The following PLLP variants were observed in gnomAD, a reference collection of about 807,000 sequenced individuals.
PLLP encodes the protein plasma membrane proteolipid (plasmolipin).
PLLP carries 15 observed loss-of-function variants against 19.7 expected under a neutral mutation model. The ratio of observed to expected loss-of-function variants is 0.76; its 90% confidence interval spans 0.51 to 1.17. PLLP has a LOEUF of 1.17. PLLP is among the 50% of genes most tolerant of loss of function. PLLP has a pLI of 0.00. For missense variants in PLLP, 255 were observed against 258.3 expected (o/e 0.99, Z 0.09); for synonymous variants, 111 against 116.3 (o/e 0.95, Z 0.29).
chr16:57,272,778 T>A (rs1284779846), intron 1 of PLLP, among the ~76,000 whole-genome samples: 1 of 151,512 alleles, frequency 6.6e-6, no homozygotes, highest in Non-Finnish European at 1.5e-5. Flanking sequence ...ATAAGCAAGA[T>A]CCCCATCTCT....
At chr16:57,266,648 C>T (rs1313939882) in intron 1 of PLLP, among the ~76,000 whole-genome samples, 3 of 152,108 alleles carry the variant, frequency 2.0e-5, no homozygotes, top group East Asian at 1.9e-4. Context: ...TGCCTTCACC[C>T]CTGGGCCCTG....
intron 1 of PLLP, among the ~76,000 whole-genome samples, chr16:57,276,647 C>A (rs1901158326): frequency 6.6e-6 from 1 of 151,258 alleles, no homozygotes; most frequent in African/African-American, 2.4e-5. Flanking sequence ...ATTGACCTAT[C>A]ATTTTGGTCT....
Position 57,261,888 on chromosome 16 carries a change from C to T in PLLP, c.309+9G>A, listed in dbSNP as rs1289171178. 1 of 1,613,490 alleles carries T rather than the reference C, an allele frequency of 6.2e-7. No individual in the cohort carries two copies. ...CATAGCCACTTCCAGTACCCCCACC[C>T]AGACTCACCACCAGTGGCCAGGGAA... On this transcript the variant is annotated intron_variant, in intron 2 of 3. Transcript: ENST00000219207.
chr16:57,269,544 G>A (rs1183939834), intron 1 of PLLP, among the ~76,000 whole-genome samples: 2 of 152,148 alleles, frequency 1.3e-5, no homozygotes, highest in African/African-American at 4.8e-5. Context: ...TCCGGGGCTG[G>A]GGGAGGGAAA....
intron 1 of PLLP, among the ~76,000 whole-genome samples, chr16:57,269,506 G>C (rs373634440): frequency 2.0e-5 from 3 of 152,188 alleles, no homozygotes; most frequent in East Asian, 1.9e-4. Context: ...CATAGCAGTC[G>C]TGAGCAGTCG....
intron 1 of PLLP, among the ~76,000 whole-genome samples, chr16:57,277,925 T>C (rs918952519): frequency 4.6e-5 from 7 of 152,218 alleles, no homozygotes; most frequent in Non-Finnish European, 1.0e-4. Context: ...TATGTCTCTG[T>C]AATTTTTTTT....
intron 1 of PLLP, among the ~76,000 whole-genome samples, chr16:57,279,284 GCCTGTGTTC>G (rs1239367392): frequency 1.3e-5 from 2 of 152,080 alleles, no homozygotes; most frequent in Admixed American, 1.3e-4. Context: ...CAGCGTCCAG[GCCTGTGTTC>G]CCATCAGCAC....
At chr16:57,277,013 A>G (rs1301140053) in intron 1 of PLLP, among the ~76,000 whole-genome samples, 1 of 152,216 alleles carries the variant, frequency 6.6e-6, no homozygotes, top group Non-Finnish European at 1.5e-5. Flanking sequence ...CACTCCACAC[A>G]CTGAGACAAA....
intron 1 of PLLP, among the ~76,000 whole-genome samples, chr16:57,267,524 C>A (rs1417087876): frequency 6.6e-6 from 1 of 151,970 alleles, no homozygotes; most frequent in Non-Finnish European, 1.5e-5. Context: ...ACTGAGATTG[C>A]ACCACTGCAC....
Position 57,281,517 on chromosome 16 carries a change from C to T in PLLP, c.135+2889G>A, listed in dbSNP as rs28537778. ...CAACAAGCAGATTTTTTTTTTATTTCTTTTTTTTTTTGAGACGGAGTCTCT... is the reference window on the plus strand; with the variant it reads ...CAACAAGCAGATTTTTTTTTTATTTTTTTTTTTTTTTGAGACGGAGTCTCT... On this transcript the variant is annotated intron_variant, in intron 1 of 3. Coordinates refer to ENST00000219207, the MANE Select transcript of PLLP (RefSeq NM_015993.3). 3.5e-4 allele frequency among the ~76,000 whole-genome samples: 45 copies of T among 130,126 alleles called. 1 individual carries two copies. Among genetic ancestry groups the T allele is most frequent in the Admixed American group, 1.8e-3 (24 of 13,072 alleles). The allele number at this position is 130,126 out of a possible 152,430, so 85.4% of individuals were successfully genotyped here. A position where few individuals can be genotyped will look rare whatever the true frequency, so the allele number is the denominator to read the frequency against.
At chr16:57,275,126 CACAT>C (rs796618303) in intron 1 of PLLP, among the ~76,000 whole-genome samples, 637 of 49,282 alleles carry the variant, frequency 0.013, 4 homozygotes, top group South Asian at 0.045. Flanking sequence ...CACACACACA[CACAT>C]GCATTTCAGA....
At position 57,256,168 on chromosome 16, in the gene PLLP, G is replaced by A. The variant is rs1427979904; in HGVS notation, c.*745C>T. 1 of 396,290 alleles carries A rather than the reference G, an allele frequency of 2.5e-6. No individual in the cohort carries two copies. The highest frequency in any genetic ancestry group is 3.6e-5 in the East Asian group (1 of 27,994). 24.5% of individuals were successfully genotyped at this position (396,290 alleles called of 1,614,324 possible). On this transcript the variant is annotated 3_prime_UTR_variant, in exon 4 of 4. Transcript: ENST00000219207. Reference sequence around the variant, plus strand: ...CACCAACCACATGACAACTCGCCAGGCAAGGCCTTGCTTCCCTCCCTCCTT... The same window carrying A: ...CACCAACCACATGACAACTCGCCAGACAAGGCCTTGCTTCCCTCCCTCCTT...
At chr16:57,267,104 T>G (rs2075460063) in intron 1 of PLLP, among the ~76,000 whole-genome samples, 1 of 152,150 alleles carries the variant, frequency 6.6e-6, no homozygotes, top group Admixed American at 6.6e-5. Context: ...TATTACAGTT[T>G]CCCCAGAAGC....
At chr16:57,267,912 A>T (rs1451581849) in intron 1 of PLLP, among the ~76,000 whole-genome samples, 1 of 151,734 alleles carries the variant, frequency 6.6e-6, no homozygotes, top group African/African-American at 2.4e-5. Flanking sequence ...AAGAAAAGAA[A>T]AGAAAATAGT....
intron 1 of PLLP, among the ~76,000 whole-genome samples, chr16:57,274,400 A>G (rs1195151481): frequency 6.6e-6 from 1 of 152,214 alleles, no homozygotes; most frequent in African/African-American, 2.4e-5. Context: ...CATATTCAGC[A>G]TCCTGTCTTC....
At chr16:57,273,193 G>A (rs1354748450) in intron 1 of PLLP, among the ~76,000 whole-genome samples, 2 of 151,284 alleles carry the variant, frequency 1.3e-5, no homozygotes, top group Admixed American at 1.3e-4. Context: ...TCGGGAGGCG[G>A]AGCTTGCAGT....
intron 1 of PLLP, among the ~76,000 whole-genome samples, chr16:57,275,673 G>T (rs1901144741): frequency 8.1e-6 from 1 of 124,170 alleles, no homozygotes; most frequent in Non-Finnish European, 1.8e-5. Flanking sequence ...ACCATGAGAG[G>T]GGGAAAAAAA....
At chr16:57,269,643 T>A (rs1414304170) in intron 1 of PLLP, among the ~76,000 whole-genome samples, 2 of 152,042 alleles carry the variant, frequency 1.3e-5, no homozygotes, top group Admixed American at 6.5e-5. Flanking sequence ...GGCTGGCAGG[T>A]CACAGGAATG....
chr16:57,256,222 C>T lies in PLLP; in HGVS notation c.*691G>A, dbSNP rs891257767. The T allele has an allele frequency of 2.3e-5, 9 of 394,464 alleles. No homozygotes were observed. Among genetic ancestry groups the T allele is most frequent in the Admixed American group, 4.4e-5 (1 of 22,588 alleles). The allele number at this position is 394,464 out of a possible 1,614,324, so 24.4% of individuals were successfully genotyped here. A position where few individuals can be genotyped will look rare whatever the true frequency, so the allele number is the denominator to read the frequency against. ...GTCCCATGTGCCTAGTCAGCAAGGT[C>T]GGGGAGGCACCGATGTTAGCTTCGC... On this transcript the variant is annotated 3_prime_UTR_variant, in exon 4 of 4. Transcript: ENST00000219207.
Sources: gnomAD v4.1 joint callset for allele counts (sites outside exome capture counted in the v4.1 genomes callset) on GRCh38, gnomAD v4.1.1 for gene constraint, MANE v1.5 for transcripts, NCBI Gene and HGNC (gene_info 2026-07-23, HGNC 2026-07-21) for gene names.